RBM45: variants seen among roughly 807,000 people sequenced by gnomAD.
The protein encoded by RBM45 is RNA-binding protein 45.
In RBM45, 39 loss-of-function variants were observed where a neutral mutation model predicts 58.5. The observed-to-expected ratio is 0.67, with a 90% CI of 0.52 to 0.87. RBM45 has a LOEUF of 0.87. Among genes scored for constraint, RBM45 ranks in the 40% least tolerant of loss-of-function variants. The pLI is 0.00. For missense variants in RBM45, 481 were observed against 581.6 expected (o/e 0.83, Z 1.78); for synonymous variants, 193 against 203.0 (o/e 0.95, Z 0.42).
intron 9 of RBM45, among the ~76,000 whole-genome samples, chr2:178,127,033 T>C (rs2087940022): frequency 6.6e-6 from 1 of 152,096 alleles, no homozygotes; most frequent in Admixed American, 6.5e-5. Flanking sequence ...ACCTCCTGGA[T>C]ACAAGTGATT....
intron 5 of RBM45, 133 bp downstream of exon 5, chr2:178,121,492 A>T (rs2105904431): frequency 2.4e-6 from 1 of 419,530 alleles, no homozygotes; most frequent in Non-Finnish European, 4.0e-6. Flanking sequence ...TATGTCAAGT[A>T]CTGCTCATGT....
intron 3 of RBM45, 138 bp from the exon 4 acceptor site, chr2:178,120,149 G>A: frequency 9.7e-7 from 1 of 1,029,034 alleles, no homozygotes; most frequent in South Asian, 1.5e-5. Context: ...AAAGAAGTAG[G>A]TCTGGAGGAG....
intron 9 of RBM45, among the ~76,000 whole-genome samples, chr2:178,128,721 C>T (rs756552531): frequency 4.6e-5 from 7 of 152,146 alleles, no homozygotes; most frequent in Admixed American, 2.0e-4. Context: ...GGATAGGATA[C>T]GATTAGCTAC....
In RBM45 at chr2:178,121,277, T is replaced by C; in HGVS notation, c.771T>C (p.Thr257=). 1.2e-6 allele frequency: 2 copies of C among 1,606,146 alleles called. No individual in the cohort carries two copies. Among genetic ancestry groups the C allele is most frequent in the Middle Eastern group, 1.7e-4 (1 of 6,038 alleles). ...CAGTTGTATCAAGAGTTCCTTTCAC[T>C]GAAGAACAGCTTTTCAGCATTTTTG... ...RLSVVSRVPF[T]EEQLFSIFDI... Residue 257 remains threonine (T), a synonymous_variant, in exon 5 of 10, where the codon ACT becomes ACC. Coordinates refer to ENST00000286070, the MANE Select transcript of RBM45 (RefSeq NM_152945.4).
At position 178,126,168 on chromosome 2, in the gene RBM45, A is replaced by G. The variant is rs1353314266; in HGVS notation, c.1417A>G (p.Thr473Ala). Reference protein sequence around the residue: ...PREESNKRQRTY With the variant: ...PREESNKRQRAY Reference sequence around the variant, plus strand: ...AGAAGAATCTAACAAACGGCAAAGAACTTACTGATTCTTGAGGTAAGCCCT... The same window carrying G: ...AGAAGAATCTAACAAACGGCAAAGAGCTTACTGATTCTTGAGGTAAGCCCT... The change falls in exon 9 of 10, where the codon ACT becomes GCT. Residue 473 changes from threonine (T) to alanine (A), a missense_variant. Physicochemically the swap from Thr to Ala is moderately conservative, Grantham distance 58 (BLOSUM62 0). Transcript: ENST00000286070. 7.4e-6 allele frequency: 12 copies of G among 1,613,092 alleles called. No homozygotes were observed. Among genetic ancestry groups the G allele is most frequent in the Non-Finnish European group, 1.0e-5 (12 of 1,179,326 alleles).
chr2:178,116,548 G>A (rs1453728587), intron 2 of RBM45, among the ~76,000 whole-genome samples, 164 bp downstream of exon 2: 5 of 152,138 alleles, frequency 3.3e-5, no homozygotes, highest in Non-Finnish European at 7.4e-5. Flanking sequence ...ATTAAACCTA[G>A]CATAAATTAG....
At chr2:178,138,318 G>C (rs6433713) in exon 4 of RBM45, 1 of 152,028 alleles carries the variant, frequency 6.6e-6, no homozygotes, top group African/African-American at 2.4e-5. Flanking sequence ...AAGATAAAAA[G>C]CACCCTCCGA....
exon 4 of RBM45, chr2:178,138,692 G>A (rs998307442): frequency 2.6e-5 from 4 of 151,976 alleles, no homozygotes; most frequent in Admixed American, 2.0e-4. Flanking sequence ...AAGGCCAGTC[G>A]GTGAGTATTG....
intron 3 of RBM45, 81 bp downstream of exon 3, chr2:178,118,262 T>G: frequency 7.6e-7 from 1 of 1,310,346 alleles, no homozygotes; most frequent in Non-Finnish European, 1.0e-6. Context: ...TATTAGTTTT[T>G]GCTAATAACT....
chr2:178,135,539 G>A (rs113119321), intron 3 of RBM45, among the ~76,000 whole-genome samples: 9 of 152,246 alleles, frequency 5.9e-5, no homozygotes, highest in African/African-American at 2.2e-4. Context: ...ACTCAAAGGA[G>A]GTATTTCACA....
intron 3 of RBM45, among the ~76,000 whole-genome samples, chr2:178,135,817 C>G (rs1331461834): frequency 2.0e-5 from 3 of 152,152 alleles, no homozygotes; most frequent in Non-Finnish European, 4.4e-5. Flanking sequence ...TCTGCAAACC[C>G]TCGTCTCTCA....
rs539723903 is a variant in RBM45 at position 178,118,039 on chromosome 2, C to A, written c.424-16C>A. 5 of 1,553,598 alleles carry A rather than the reference C, an allele frequency of 3.2e-6. No individual in the cohort carries two copies. Among genetic ancestry groups the A allele is most frequent in the Non-Finnish European group, 4.4e-6 (5 of 1,149,048 alleles). On this transcript the variant is annotated splice_polypyrimidine_tract_variant and intron_variant, in intron 2 of 9. Transcript: ENST00000286070. ...AATTTTAAGTCCCCTAAAATCATGT[C>A]TTTTAACTCTCTTAGGTGTATGGAG...
intron 3 of RBM45, among the ~76,000 whole-genome samples, chr2:178,136,010 G>A (rs1048026235): frequency 3.3e-5 from 5 of 152,184 alleles, no homozygotes; most frequent in South Asian, 4.1e-4. Context: ...GGAACATGCT[G>A]TTAATAAAAC....
intron 5 of RBM45, 51 bp downstream of exon 5, chr2:178,121,410 AC>A: frequency 3.1e-6 from 1 of 323,172 alleles, no homozygotes; most frequent in Non-Finnish European, 4.6e-6. Context: ...ATATACACAC[AC>A]ACACACACAC....
intron 9 of RBM45, among the ~76,000 whole-genome samples, chr2:178,126,871 A>G (rs752848815): frequency 3.4e-4 from 52 of 152,194 alleles, no homozygotes; most frequent in Non-Finnish European, 6.2e-4. Context: ...TCAAAAATCA[A>G]ACTACAATTT....
intron 1 of RBM45, 124 bp from the exon 2 acceptor site, chr2:178,116,138 T>G: frequency 7.9e-7 from 1 of 1,264,512 alleles, no homozygotes; most frequent in Non-Finnish European, 1.1e-6. Context: ...CTTTTTTTTT[T>G]CTTTGAGACC....
At chr2:178,127,269 G>T (rs1488986716) in intron 9 of RBM45, among the ~76,000 whole-genome samples, 1 of 152,148 alleles carries the variant, frequency 6.6e-6, no homozygotes, top group African/African-American at 2.4e-5. Flanking sequence ...GAATTTCAGG[G>T]GAAGCCGTTT....
chr2:178,128,393 A>G (rs965509862), intron 9 of RBM45, among the ~76,000 whole-genome samples: 2 of 152,196 alleles, frequency 1.3e-5, no homozygotes, highest in Admixed American at 6.5e-5. Flanking sequence ...TTGCAAGTCT[A>G]AACTAAAACT....
intron 3 of RBM45, chr2:178,136,430 C>T (rs1047285029): frequency 5.9e-5 from 9 of 152,242 alleles, no homozygotes; most frequent in African/African-American, 2.2e-4. Context: ...AGAGTCTTGT[C>T]ATAATAGGCT....
Sources: gnomAD v4.1 joint callset for allele counts (sites outside exome capture counted in the v4.1 genomes callset) on GRCh38, gnomAD v4.1.1 for gene constraint, MANE v1.5 for transcripts, NCBI Gene and HGNC (gene_info 2026-07-23, HGNC 2026-07-21) for gene names.